MALRD1: variants seen among roughly 807,000 people sequenced by gnomAD.
MALRD1 encodes MAM and LDL-receptor class A domain-containing protein 1.
Under a neutral mutation model 242.1 loss-of-function variants are expected in MALRD1, and 247 were observed. The ratio of observed to expected loss-of-function variants is 1.02; its 90% CI spans 0.92 to 1.13. The LOEUF (loss-of-function observed/expected upper bound fraction) is 1.13. MALRD1 is among the 50% of genes most tolerant of loss of function. The probability of loss-of-function intolerance (pLI) is 0.00; values close to 1 mark genes in which losing one functional copy is unlikely to be tolerated. For missense variants in MALRD1, 2,989 were observed against 2,533.1 expected (o/e 1.18, Z -3.86); for synonymous variants, 995 against 866.6 (o/e 1.15, Z -2.60).
intron 21 of MALRD1, among the ~76,000 whole-genome samples, chr10:19,300,192 A>G (rs1211702963): frequency 6.6e-6 from 1 of 151,986 alleles, no homozygotes; most frequent in Non-Finnish European, 1.5e-5. Context: ...AACAAGAATT[A>G]CGAAACACTT....
chr10:19,238,439 TAA>T (rs1260962621), intron 18 of MALRD1, among the ~76,000 whole-genome samples: 1 of 66,030 alleles, frequency 1.5e-5, no homozygotes, highest in African/African-American at 6.9e-5. Flanking sequence ...ATATAATATA[TAA>T]TATACATTAT....
intron 11 of MALRD1, among the ~76,000 whole-genome samples, chr10:19,153,535 A>T (rs1027658858): frequency 1.3e-5 from 2 of 152,120 alleles, no homozygotes; most frequent in Non-Finnish European, 2.9e-5. Flanking sequence ...CCTACAAAAA[A>T]ATTTAAAAAT....
intron 29 of MALRD1, among the ~76,000 whole-genome samples, chr10:19,463,523 C>T (rs919042011): frequency 1.3e-5 from 2 of 151,336 alleles, no homozygotes; most frequent in Non-Finnish European, 2.9e-5. Context: ...ATGCCAAATG[C>T]CACTAATTCG....
intron 28 of MALRD1, among the ~76,000 whole-genome samples, chr10:19,444,461 A>T (rs539727520): frequency 6.6e-6 from 1 of 152,162 alleles, no homozygotes; most frequent in East Asian, 1.9e-4. Context: ...CGTTCTTTCC[A>T]TGTTTATTGC....
At chr10:19,076,512 C>T (rs927814224) in intron 2 of MALRD1, among the ~76,000 whole-genome samples, 4 of 151,892 alleles carry the variant, frequency 2.6e-5, no homozygotes, top group African/African-American at 9.7e-5. Flanking sequence ...TTGCATGTAC[C>T]TATCCAGTTG....
At chr10:19,081,269 T>C (rs777300122) in intron 2 of MALRD1, among the ~76,000 whole-genome samples, 6 of 152,076 alleles carry the variant, frequency 3.9e-5, no homozygotes, top group African/African-American at 2.4e-5. Flanking sequence ...ACTGGGTATA[T>C]AACCAAATAA....
chr10:19,601,723 C>G (rs936895617), intron 34 of MALRD1, among the ~76,000 whole-genome samples: 1 of 151,810 alleles, frequency 6.6e-6, no homozygotes, highest in Non-Finnish European at 1.5e-5. Context: ...GAACAGTCAA[C>G]TTGAAAATAA....
chr10:19,100,606 GA>G (rs774366674), intron 4 of MALRD1, among the ~76,000 whole-genome samples: 5 of 150,924 alleles, frequency 3.3e-5, no homozygotes, highest in Non-Finnish European at 5.9e-5. Flanking sequence ...CCACTGTCAG[GA>G]AATGAGAGTG....
At chr10:19,604,380 T>A (rs1488646682) in intron 34 of MALRD1, among the ~76,000 whole-genome samples, 2 of 152,164 alleles carry the variant, frequency 1.3e-5, no homozygotes, top group Non-Finnish European at 2.9e-5. Context: ...GGTTCATTAT[T>A]TGACACATTC....
intron 28 of MALRD1, among the ~76,000 whole-genome samples, chr10:19,437,724 T>G (rs1834409260): frequency 6.6e-6 from 1 of 152,140 alleles, no homozygotes; most frequent in African/African-American, 2.4e-5. Flanking sequence ...AGGGCTGAGC[T>G]TAATTTTAGA....
intron 36 of MALRD1, among the ~76,000 whole-genome samples, chr10:19,625,337 G>A (rs1839604316): frequency 6.6e-6 from 1 of 151,840 alleles, no homozygotes; most frequent in Non-Finnish European, 1.5e-5. Flanking sequence ...TTAACACACT[G>A]TGCAGTTTTG....
chr10:19,522,531 G>T (rs1657949377), intron 31 of MALRD1, among the ~76,000 whole-genome samples: 1 of 152,082 alleles, frequency 6.6e-6, no homozygotes, highest in African/African-American at 2.4e-5. Context: ...AAGGACTGTA[G>T]GATGGCCTGT....
intron 18 of MALRD1, among the ~76,000 whole-genome samples, chr10:19,216,123 T>C (rs866912813): frequency 4.1e-5 from 6 of 145,154 alleles, no homozygotes; most frequent in African/African-American, 7.5e-5. Context: ...TTCTTTCTTT[T>C]TTTTTTTTTT....
intron 14 of MALRD1, among the ~76,000 whole-genome samples, chr10:19,196,336 T>G (rs1836245648): frequency 6.6e-6 from 1 of 152,298 alleles, no homozygotes; most frequent in African/African-American, 2.4e-5. Context: ...TTCTTTAAAC[T>G]TTCTCTTCTG....
chr10:19,369,649 A>C (rs201091252), intron 26 of MALRD1, among the ~76,000 whole-genome samples: 148,667 of 150,424 alleles, frequency 0.99, 73,595 homozygotes, highest in Middle Eastern at 1. Flanking sequence ...ATTTAAAAAA[A>C]ATACATATTT....
intron 34 of MALRD1, among the ~76,000 whole-genome samples, chr10:19,604,863 A>T (rs937545339): frequency 1.3e-5 from 2 of 152,176 alleles, no homozygotes; most frequent in Non-Finnish European, 2.9e-5. Flanking sequence ...GACTTGCATT[A>T]ATGCAACATT....
At chr10:19,390,816 C>A (rs1051066866) in intron 28 of MALRD1, among the ~76,000 whole-genome samples, 1 of 152,106 alleles carries the variant, frequency 6.6e-6, no homozygotes, top group Non-Finnish European at 1.5e-5. Flanking sequence ...GACTTTATAA[C>A]TTAGAACTCT....
At chr10:19,171,963 CATATATGTGATATATAT>C (rs745991388) in intron 13 of MALRD1, among the ~76,000 whole-genome samples, 9,362 of 46,072 alleles carry the variant, frequency 0.2, 654 homozygotes, top group East Asian at 0.47. Context: ...GTATATATCA[CATATATGTGATATATAT>C]CATATAATAT....
At chr10:19,443,635 G>T (rs1009357142) in intron 28 of MALRD1, among the ~76,000 whole-genome samples, 1 of 152,232 alleles carries the variant, frequency 6.6e-6, no homozygotes, top group Non-Finnish European at 1.5e-5. Context: ...GCGGTTTTGA[G>T]TGAGTTTCTT....
Sources: allele counts gnomAD v4.1 joint callset (sites outside exome capture counted in the v4.1 genomes callset), GRCh38; gene constraint gnomAD v4.1.1; transcripts MANE v1.5; gene names NCBI Gene and HGNC (gene_info 2026-07-23, HGNC 2026-07-21).